Variants in CYP4B1 observed in about 807,000 individuals in gnomAD.
CYP4B1 encodes cytochrome P450 4B1.
A neutral mutation model predicts 54.0 loss-of-function variants in CYP4B1; 45 were observed. The ratio of observed to expected loss-of-function variants is 0.83; its 90% CI spans 0.66 to 1.07. The LOEUF (loss-of-function observed/expected upper bound fraction) is 1.07, where lower values mean the gene tolerates loss of function less well. Ranked by LOEUF, CYP4B1 falls within the 50% of genes least tolerant of loss-of-function variation. CYP4B1 has a pLI of 0.00. For missense variants in CYP4B1, 656 were observed against 655.4 expected, an observed-to-expected ratio of 1.00 and a Z score of -0.01; for synonymous variants, 248 against 247.5, an observed-to-expected ratio of 1.00 and a Z score of -0.02.
chr1:46,817,203 G>A (rs201534089), intron 9 of CYP4B1, 22 bp downstream of exon 9: 424 of 1,613,752 alleles, frequency 2.6e-4, no homozygotes, highest in Non-Finnish European at 3.5e-4. Flanking sequence ...GGATTTGGGG[G>A]TGGAAAAGGA....
chr1:46,803,079 C>G (rs1678724948), intron 1 of CYP4B1, among the ~76,000 whole-genome samples: 1 of 152,138 alleles, frequency 6.6e-6, no homozygotes, highest in Non-Finnish European at 1.5e-5. Flanking sequence ...GTAGACGGGG[C>G]AGTCACACAG....
At chr1:46,813,700 T>C (rs1446909934) in intron 5 of CYP4B1, 94 bp downstream of exon 5, 8 of 1,557,958 alleles carry the variant, frequency 5.1e-6, no homozygotes, top group African/African-American at 1.4e-5. Context: ...TGAGAAGAGA[T>C]AGGGTCCTGC....
chr1:46,818,631 G>T lies in CYP4B1; in HGVS notation c.1356G>T (p.Arg452Ser), dbSNP rs780903917. 15 of 1,613,962 alleles carry T rather than the reference G, an allele frequency of 9.3e-6. No individual in the cohort carries two copies. In the South Asian group the frequency reaches 1.4e-4, roughly 15 times the overall value. Residue 452 changes from arginine (R) to serine (S), a missense_variant and splice_region_variant, in exon 12 of 12, where the codon AGG becomes AGT. By Grantham distance (110) the Arg-to-Ser change is moderately radical. Transcript: ENST00000371923. ...TGACTCTTTGTGCTGCTTGCTACAG[G>T]AACTGCATTGGGCAGCAGTTTGCCA... Reference protein sequence around the residue: ...FAFMPFSAGPRNCIGQQFAMS... With the variant: ...FAFMPFSAGPSNCIGQQFAMS...
At position 46,818,023 on chromosome 1, in the gene CYP4B1, C is replaced by T; in HGVS notation, c.1266C>T (p.Asp422=). 2 of 1,614,170 alleles carry T rather than the reference C, an allele frequency of 1.2e-6. No homozygotes were observed. The highest frequency in any genetic ancestry group is 1.7e-6 in the Non-Finnish European group (2 of 1,179,988). The change falls in exon 10 of 12, where the codon GAC becomes GAT. Residue 422 remains aspartate, a synonymous_variant. Transcript: ENST00000371923. ...ALHRNSAVWP[D]PEVFDSLRFS... Reference sequence around the variant, plus strand: ...ATAGGAACAGTGCTGTATGGCCCGACCCTGAGGTACCCTTTCCCTGGGCTG... The same window carrying T: ...ATAGGAACAGTGCTGTATGGCCCGATCCTGAGGTACCCTTTCCCTGGGCTG...
At chr1:46,816,223 C>A (rs910204033) in intron 8 of CYP4B1, among the ~76,000 whole-genome samples, 1 of 151,956 alleles carries the variant, frequency 6.6e-6, no homozygotes, top group Non-Finnish European at 1.5e-5. Context: ...AATCAAACAG[C>A]GAGAGAAAAA....
In CYP4B1 at chr1:46,810,829, G is replaced by T; in HGVS notation, c.202G>T (p.Asp68Tyr). Residue 68 changes from aspartate (D) to tyrosine (Y), a missense_variant, in exon 2 of 12, where the codon GAC (aspartate) becomes TAC (tyrosine). By Grantham distance (160) the Asp-to-Tyr change is radical. Transcript: ENST00000371923. ...TCAGATCCAGGAGACGGGGAGCCTG[G>T]ACAAAGTGGTGTCCTGGGCCCACCA... is the stretch of plus-strand genomic sequence containing the variant. Reference protein sequence around the residue: ...ALEIQETGSLDKVVSWAHQFP... With the variant: ...ALEIQETGSLYKVVSWAHQFP... 1 of 1,614,164 alleles carries T rather than the reference G, an allele frequency of 6.2e-7. No individual in the cohort carries two copies. Among genetic ancestry groups the T allele is most frequent in the East Asian group, 2.2e-5 (1 of 44,866 alleles).
chr1:46,804,951 A>C (rs1453042394), intron 1 of CYP4B1, among the ~76,000 whole-genome samples: 2 of 152,128 alleles, frequency 1.3e-5, no homozygotes, highest in African/African-American at 4.8e-5. Flanking sequence ...TTATCACTAC[A>C]TGAAATTGTA....
intron 1 of CYP4B1, among the ~76,000 whole-genome samples, chr1:46,800,201 T>TTCTCTCTC (rs1337001837): frequency 0.019 from 536 of 27,682 alleles, 84 homozygotes; most frequent in East Asian, 0.1. Context: ...TTCTTTCTCT[T>TTCTCTCTC]TCTTTCTTTC....
At chr1:46,814,346 G>C (rs768587657) in intron 7 of CYP4B1, 31 bp downstream of exon 7, 12 of 1,551,538 alleles carry the variant, frequency 7.7e-6, no homozygotes, top group Non-Finnish European at 1.1e-5. Context: ...CCCTACCTGA[G>C]GACTGGTCCC....
chr1:46,801,662 G>A (rs1678667562), intron 1 of CYP4B1, among the ~76,000 whole-genome samples: 1 of 152,282 alleles, frequency 6.6e-6, no homozygotes, highest in South Asian at 2.1e-4. Flanking sequence ...TTCTTGCCTG[G>A]ATTCATACCT....
chr1:46,799,111 C>T lies in CYP4B1; in HGVS notation c.30C>T (p.Phe10=). Residue 10 remains phenylalanine (F), a synonymous_variant, in exon 1 of 12, where the codon TTC becomes TTT. Transcript: ENST00000371923. ...TGCCCAGCTTCCTCTCCCTGAGCTT[C>T]TCCTCCTTGGGCCTGTGGGCTTCTG... MVPSFLSLS[F]SSLGLWASGL... is the part of the protein sequence containing the mutation. 1 of 1,614,090 alleles carries T rather than the reference C, an allele frequency of 6.2e-7. No individual in the cohort carries two copies. The highest frequency in any genetic ancestry group is 2.2e-5 in the East Asian group (1 of 44,862).
chr1:46,800,172 CT>C (rs1553130073), intron 1 of CYP4B1, among the ~76,000 whole-genome samples: 13 of 38,320 alleles, frequency 3.4e-4, no homozygotes, highest in Non-Finnish European at 7.6e-4. Context: ...TTCTTTTTTT[CT>C]TCTTTCTTTC....
chr1:46,811,572 G>A (rs1679102377), intron 3 of CYP4B1, among the ~76,000 whole-genome samples: 3 of 152,238 alleles, frequency 2.0e-5, no homozygotes, highest in Admixed American at 2.0e-4. Context: ...CTGTGAGGCT[G>A]TCGGGGTGGC....
At chr1:46,800,313 CT>C (rs1557485144) in intron 1 of CYP4B1, among the ~76,000 whole-genome samples, 6 of 132,930 alleles carry the variant, frequency 4.5e-5, no homozygotes, top group African/African-American at 8.6e-5. Context: ...TTCCTTCCTT[CT>C]CTTTCTCTCT....
chr1:46,808,977 G>T (rs1338638790), intron 1 of CYP4B1, among the ~76,000 whole-genome samples: 2 of 124,862 alleles, frequency 1.6e-5, no homozygotes, highest in Non-Finnish European at 3.3e-5. Context: ...GGTGGGGTGG[G>T]GGGAGGGGGG....
chr1:46,809,220 G>T (rs561265798), intron 1 of CYP4B1, among the ~76,000 whole-genome samples: 1 of 151,432 alleles, frequency 6.6e-6, no homozygotes, highest in African/African-American at 2.4e-5. Context: ...GCTCTCATGG[G>T]AACTAAGAGA....
At chr1:46,818,595 C>G (rs750822442) in intron 11 of CYP4B1, 36 bp from the exon 12 acceptor site, 9 of 1,601,756 alleles carry the variant, frequency 5.6e-6, no homozygotes, top group Admixed American at 1.7e-5. Context: ...TCTGGATGCT[C>G]CATTGCACGA....
chr1:46,807,595 T>A (rs991958367), intron 1 of CYP4B1, among the ~76,000 whole-genome samples: 1 of 152,158 alleles, frequency 6.6e-6, no homozygotes, highest in African/African-American at 2.4e-5. Flanking sequence ...CCCTTGCCTG[T>A]GGGTGGAGAT....
chr1:46,800,151 CCTTTCTTT>C (rs754918013), intron 1 of CYP4B1, among the ~76,000 whole-genome samples: 5 of 149,566 alleles, frequency 3.3e-5, no homozygotes, highest in African/African-American at 1.2e-4. Context: ...TTTCCCTTTC[CCTTTCTTT>C]CTTTCTTTTT....
Sources: gnomAD v4.1 joint callset for allele counts (sites outside exome capture counted in the v4.1 genomes callset) on GRCh38, gnomAD v4.1.1 for gene constraint, MANE v1.5 for transcripts, NCBI Gene and HGNC (gene_info 2026-07-23, HGNC 2026-07-21) for gene names.